Variants in RNF213 observed in about 807,000 individuals in gnomAD.
RNF213 encodes ring finger protein 213.
A neutral mutation model predicts 514.4 loss-of-function variants in RNF213; 341 were observed. The ratio of observed to expected loss-of-function variants is 0.66; its 90% CI spans 0.61 to 0.73. RNF213 has a LOEUF of 0.73. Ranked by LOEUF, RNF213 falls within the 30% of genes least tolerant of loss-of-function variation. The probability of loss-of-function intolerance (pLI) is 0.00; values close to 1 mark genes in which losing one functional copy is unlikely to be tolerated. For missense variants in RNF213, 5,767 were observed against 6,615.6 expected (o/e 0.87, Z 4.45); for synonymous variants, 2,655 against 2,658.2 (o/e 1.00, Z 0.04).
chr17:80,369,688 C>A lies in RNF213; in HGVS notation c.12325+17C>A, dbSNP rs1043237514. The A allele has an allele frequency of 4.3e-6, 7 of 1,614,048 alleles. No individual in the cohort carries two copies. Among genetic ancestry groups the A allele is most frequent in the Non-Finnish European group, 5.9e-6 (7 of 1,180,034 alleles). On this transcript the variant is annotated intron_variant, in intron 45 of 67. Coordinates refer to ENST00000582970, the MANE Select transcript of RNF213 (RefSeq NM_001256071.3). ...CTGCCCAGAGTAGGTTGCTTTCTTC[C>A]TGTAAACCTAGCCCCTCATTTCTTC...
chr17:80,287,594 T>G (rs565192299), intron 3 of RNF213, among the ~76,000 whole-genome samples: 10 of 152,220 alleles, frequency 6.6e-5, no homozygotes, highest in Middle Eastern at 3.4e-3. Context: ...CCGTGCCGAG[T>G]GTGGCGAGCG....
chr17:80,325,992 T>G (rs1213526572), intron 18 of RNF213, among the ~76,000 whole-genome samples: 2 of 151,456 alleles, frequency 1.3e-5, no homozygotes, highest in African/African-American at 4.9e-5. Context: ...GGAGTCTCGC[T>G]CTCTCACCCA....
Position 80,263,829 on chromosome 17 carries a change from A to G in RNF213, c.97+51A>G. On this transcript the variant is annotated intron_variant, in intron 2 of 67. Transcript: ENST00000582970. This position sits in a 1 kb window ranked among gnomAD's most constrained non-coding sequence, Gnocchi z 4.9. ...GCTGGGGCAGTGGGGACCCCTGGAG[A>G]TGTCTCACCTCCCTTCCAGGAAATG... 8 of 1,471,562 alleles carry G rather than the reference A, an allele frequency of 5.4e-6. No individual in the cohort carries two copies. Among genetic ancestry groups the G allele is most frequent in the Non-Finnish European group, 7.6e-6 (8 of 1,050,592 alleles). 91.2% of individuals were successfully genotyped at this position (1,471,562 alleles called of 1,614,324 possible).
intron 67 of RNF213, among the ~76,000 whole-genome samples, chr17:80,390,811 C>T (rs1028241974): frequency 6.6e-6 from 1 of 152,098 alleles, no homozygotes; most frequent in African/African-American, 2.4e-5. Context: ...CCCTGTAATC[C>T]CAGCACTTTG....
At chr17:80,368,436 T>G (rs2079368824) in intron 44 of RNF213, among the ~76,000 whole-genome samples, 1 of 150,638 alleles carries the variant, frequency 6.6e-6, no homozygotes, top group East Asian at 1.9e-4. Flanking sequence ...CGCCAGTGTT[T>G]TTTTTTTTTT....
chr17:80,345,491 G>T lies in RNF213; in HGVS notation c.7156G>T (p.Ala2386Ser). The change falls in exon 29 of 68, where the codon GCC (alanine) becomes TCC (serine). Residue 2386 changes from alanine to serine, a missense_variant. Physicochemically the swap from Ala to Ser is moderately conservative, Grantham distance 99 (BLOSUM62 1). Coordinates refer to ENST00000582970, the MANE Select transcript of RNF213 (RefSeq NM_001256071.3). The surrounding 1 kb of genome is among the most constrained non-coding windows in gnomAD (Gnocchi z 6.0). Reference sequence around the variant, plus strand: ...CTGCCTGACCTTAGGGATCCCCCAGGCCACCGACCCCGACAAAACGTATGA... The same window carrying T: ...CTGCCTGACCTTAGGGATCCCCCAGTCCACCGACCCCGACAAAACGTATGA... ...RLCLTLGIPQ[A>S]TDPDKTYELT... The T allele has an allele frequency of 1.9e-6, 3 of 1,610,182 alleles. No homozygotes were observed. The highest frequency in any genetic ancestry group is 2.5e-6 in the Non-Finnish European group (3 of 1,177,064).
At position 80,260,907 on chromosome 17, in the gene RNF213, G is replaced by C. The variant is rs970856619; in HGVS notation, c.-109+5G>C. Reference sequence around the variant, plus strand: ...CGGCGAGCTCGGGGGCCGCAGGTGCGAGCGGGCCTGGAGAGTCTCCCGGGG... The same window carrying C: ...CGGCGAGCTCGGGGGCCGCAGGTGCCAGCGGGCCTGGAGAGTCTCCCGGGG... On this transcript the variant is annotated splice_donor_5th_base_variant and intron_variant, in intron 1 of 67. Transcript: ENST00000582970. 6 of 151,342 alleles carry C rather than the reference G, an allele frequency of 4.0e-5. No homozygotes were observed. Among genetic ancestry groups the C allele is most frequent in the African/African-American group, 1.5e-4 (6 of 41,216 alleles). 9.4% of individuals were successfully genotyped at this position (151,342 alleles called of 1,614,324 possible).
At chr17:80,327,514 T>C (rs2046311202) in intron 18 of RNF213, among the ~76,000 whole-genome samples, 1 of 151,508 alleles carries the variant, frequency 6.6e-6, no homozygotes, top group Non-Finnish European at 1.5e-5. Flanking sequence ...TCCATCCGTA[T>C]ACTGAAGGGG....
At chr17:80,366,252 A>C (rs775452485) in intron 42 of RNF213, among the ~76,000 whole-genome samples, 1 of 152,142 alleles carries the variant, frequency 6.6e-6, no homozygotes. Context: ...GTTGTTTTGG[A>C]TATGTACCTT....
chr17:80,336,443 C>A, intron 23 of RNF213, 65 bp downstream of exon 23: 1 of 1,394,712 alleles, frequency 7.2e-7, no homozygotes, highest in Non-Finnish European at 9.8e-7. Context: ...AACGTTAGGG[C>A]AGTGACTGTG....
In RNF213 at chr17:80,339,632, C is replaced by G; in HGVS notation, c.5265C>G (p.Tyr1755Ter). ...GGTGTGGGAGTGAGGCCGCCAGGTA[C>G]CGCATGAGGAGAGTCATGGAAGAGC... is the stretch of plus-strand genomic sequence containing the variant. The part of the protein sequence containing the change: ...SVGCGSEAAR[Y>*]RMRRVMEELP... The change falls in exon 26 of 68, where the codon TAC becomes TAG. Residue 1755 changes from tyrosine to a stop codon, truncating the protein, a stop_gained. Transcript: ENST00000582970. LOFTEE classifies it high-confidence loss of function. The G allele has an allele frequency of 6.5e-7, 1 of 1,537,198 alleles. No homozygotes were observed. Among genetic ancestry groups the G allele is most frequent in the Non-Finnish European group, 8.7e-7 (1 of 1,146,888 alleles).
intron 17 of RNF213, among the ~76,000 whole-genome samples, chr17:80,321,873 G>A (rs1472652399): frequency 6.6e-6 from 1 of 152,084 alleles, no homozygotes; most frequent in East Asian, 1.9e-4. Flanking sequence ...CTACAGGCAT[G>A]TGCCACCATG....
chr17:80,361,807 G>A lies in RNF213; in HGVS notation c.11274G>A (p.Glu3758=), dbSNP rs765483727. 2 of 1,614,132 alleles carry A rather than the reference G, an allele frequency of 1.2e-6. No individual in the cohort carries two copies. The highest frequency in any genetic ancestry group is 1.7e-6 in the Non-Finnish European group (2 of 1,179,968). The change falls in exon 39 of 68, where the codon GAG becomes GAA. Residue 3758 remains glutamate, a synonymous_variant. Coordinates refer to ENST00000582970, the MANE Select transcript of RNF213 (RefSeq NM_001256071.3). The part of the protein sequence containing the change: ...LGRFLAQLHG[E]PQQELLQCYL... ...GGTTTCTTGCCCAGCTCCATGGAGA[G>A]CCGCAGCAGGAACTTCTTCAGTGTT...
chr17:80,373,059 T>C lies in RNF213; in HGVS notation c.12836T>C (p.Leu4279Pro). Residue 4279 changes from leucine to proline, a missense_variant, in exon 49 of 68, where the codon CTG (leucine) becomes CCG (proline). Physicochemically the swap from Leu to Pro is moderately conservative, Grantham distance 98. This residue lies in a region of RNF213 where 1,245 missense variants were observed against 1,339.0 expected (regional missense o/e 0.93). Coordinates refer to ENST00000582970, the MANE Select transcript of RNF213 (RefSeq NM_001256071.3). ...GAGAACGACTGGCACCGGGTGTACCTGGTGCGGAAGCTCAGCAGCCAGCGG... is the reference window on the plus strand; with the variant it reads ...GAGAACGACTGGCACCGGGTGTACCCGGTGCGGAAGCTCAGCAGCCAGCGG... The part of the protein sequence containing the change: ...RVENDWHRVY[L>P]VRKLSSQRGM... 6.2e-7 allele frequency: 1 copy of C among 1,613,772 alleles called. No homozygotes were observed. The highest frequency in any genetic ancestry group is 8.5e-7 in the Non-Finnish European group (1 of 1,179,892).
At chr17:80,294,338 A>G (rs2044857440) in intron 8 of RNF213, among the ~76,000 whole-genome samples, 1 of 152,160 alleles carries the variant, frequency 6.6e-6, no homozygotes, top group Admixed American at 6.6e-5. Flanking sequence ...CTCACTTGCT[A>G]GTGGGGGGAT....
intron 46 of RNF213, among the ~76,000 whole-genome samples, chr17:80,370,889 T>C (rs1010741853): frequency 5.3e-5 from 8 of 152,260 alleles, no homozygotes; most frequent in Non-Finnish European, 7.3e-5. Context: ...GATGATAACA[T>C]TCAAGCTTTT....
At chr17:80,299,164 C>T (rs1296789677) in intron 11 of RNF213, among the ~76,000 whole-genome samples, 2 of 152,136 alleles carry the variant, frequency 1.3e-5, no homozygotes, top group African/African-American at 2.4e-5. Flanking sequence ...CTGATTTTTC[C>T]TCTTAACAGT....
chr17:80,280,485 G>A (rs763083933), intron 3 of RNF213, among the ~76,000 whole-genome samples: 9 of 152,132 alleles, frequency 5.9e-5, no homozygotes, highest in Admixed American at 2.6e-4. Context: ...GCAGGGTCTC[G>A]CCCTGGGTCC....
intron 50 of RNF213, chr17:80,374,798 T>G: frequency 1.7e-6 from 1 of 573,194 alleles, no homozygotes; most frequent in South Asian, 1.9e-5. Flanking sequence ...GCTATGACAG[T>G]TGAGCTGGGT....
Sources: gnomAD v4.1 joint callset for allele counts (sites outside exome capture counted in the v4.1 genomes callset) on GRCh38, gnomAD v4.1.1 for gene constraint, gnomAD v4.1.1 regional missense constraint, Gnocchi (gnomAD v3.1) non-coding constraint, MANE v1.5 for transcripts, NCBI Gene and HGNC (gene_info 2026-07-23, HGNC 2026-07-21) for gene names.